RYR2: variants seen among roughly 807,000 people sequenced by gnomAD.
RYR2 encodes the protein cardiac muscle ryanodine receptor-calcium release channel.
A neutral mutation model predicts 601.1 loss-of-function variants in RYR2; 227 were observed. The ratio of observed to expected loss-of-function variants is 0.38; its 90% confidence interval spans 0.34 to 0.42. The LOEUF is 0.42. RYR2 is among the 10% of genes least tolerant of loss of function. The pLI is 1.00. For missense variants in RYR2, 4,646 were observed against 6,156.5 expected, an observed-to-expected ratio of 0.75 and a Z score of 8.21; for synonymous variants, 2,223 against 2,175.1, an observed-to-expected ratio of 1.02 and a Z score of -0.61.
At chr1:237,697,343 G>GTA (rs1275946605) in intron 63 of RYR2, among the ~76,000 whole-genome samples, 18 of 137,836 alleles carry the variant, frequency 1.3e-4, no homozygotes, top group South Asian at 2.2e-4. Context: ...TATATATATA[G>GTA]TATATATATA....
intron 2 of RYR2, among the ~76,000 whole-genome samples, chr1:237,326,229 T>C (rs560882383): frequency 3.3e-5 from 5 of 151,742 alleles, no homozygotes; most frequent in African/African-American, 7.3e-5. Context: ...TCTAAGACTA[T>C]ACAGTGTTTG....
In RYR2 at chr1:237,359,503, A is replaced by G. The variant is rs539427573; in HGVS notation, c.294+3518A>G. Among the ~76,000 whole-genome samples, 8 of 152,334 alleles carry G rather than the reference A, an allele frequency of 5.3e-5. No individual in the cohort carries two copies. In the East Asian group the frequency reaches 1.5e-3, roughly 29 times the overall value. On this transcript the variant is annotated intron_variant, in intron 4 of 104. Transcript: ENST00000366574. ...TGTCTAGGGTGCGTTTACCACCACC[A>G]GATTAAGACCTTTGGGAGCCTTACA...
intron 12 of RYR2, among the ~76,000 whole-genome samples, chr1:237,426,787 G>A (rs1706204764): frequency 6.6e-6 from 1 of 152,144 alleles, no homozygotes; most frequent in Non-Finnish European, 1.5e-5. Context: ...TGTGGTGGGA[G>A]GATCTCTTGA....
At chr1:237,151,818 T>C (rs41420344) in intron 1 of RYR2, among the ~76,000 whole-genome samples, 2,874 of 152,238 alleles carry the variant, frequency 0.019, 106 homozygotes, top group African/African-American at 0.065. Flanking sequence ...GCATGGACAT[T>C]GATCTTGCAG....
chr1:237,277,739 G>A (rs1278562969), intron 2 of RYR2, among the ~76,000 whole-genome samples: 2 of 152,130 alleles, frequency 1.3e-5, no homozygotes, highest in African/African-American at 2.4e-5. Context: ...AGGATTGCTT[G>A]AGCCTAACAG....
chr1:237,746,044 G>A (rs938173508), intron 80 of RYR2, among the ~76,000 whole-genome samples: 2 of 151,996 alleles, frequency 1.3e-5, no homozygotes, highest in African/African-American at 2.4e-5. Flanking sequence ...GAGAAACAGA[G>A]ATATATATAA....
At chr1:237,408,841 GT>G (rs1274270982) in intron 10 of RYR2, among the ~76,000 whole-genome samples, 1 of 152,002 alleles carries the variant, frequency 6.6e-6, no homozygotes, top group Non-Finnish European at 1.5e-5. Flanking sequence ...TTTAGATTTT[GT>G]TTGACTTTTT....
chr1:237,720,341 T>A (rs1201723138), intron 73 of RYR2, among the ~76,000 whole-genome samples: 2 of 152,236 alleles, frequency 1.3e-5, no homozygotes, highest in Non-Finnish European at 2.9e-5. Flanking sequence ...GATTTTTAAA[T>A]TAGCATTTTA....
chr1:237,700,490 GTTTTT>G (rs371120316), intron 65 of RYR2, 23 bp downstream of exon 65: 1 of 976,106 alleles, frequency 1.0e-6, no homozygotes, highest in Non-Finnish European at 1.5e-6. Flanking sequence ...ATATCTTGGA[GTTTTT>G]TTTTTTTTAA....
At chr1:237,530,350 T>C in intron 24 of RYR2, 77 bp from the exon 25 acceptor site, 1 of 1,067,884 alleles carries the variant, frequency 9.4e-7, no homozygotes, top group Non-Finnish European at 1.4e-6. Context: ...TTGTATCTCA[T>C]TGCTACTGCT....
chr1:237,635,139 C>T (rs572279420), intron 44 of RYR2, 147 bp downstream of exon 44: 2 of 554,974 alleles, frequency 3.6e-6, no homozygotes, highest in Admixed American at 3.4e-5. Flanking sequence ...AATTTTGCAC[C>T]AACACAATAT....
chr1:237,829,201 A>G (rs1663499350), intron 102 of RYR2, among the ~76,000 whole-genome samples: 1 of 152,262 alleles, frequency 6.6e-6, no homozygotes, highest in South Asian at 2.1e-4. Context: ...GGCTTTAAGC[A>G]GAGCAGCCAG....
At chr1:237,676,593 A>G (rs1685419991) in intron 60 of RYR2, among the ~76,000 whole-genome samples, 2 of 152,136 alleles carry the variant, frequency 1.3e-5, no homozygotes, top group Admixed American at 1.3e-4. Flanking sequence ...TAGAGCTGTG[A>G]TTGTCAATAT....
rs190203184 is a variant in RYR2, at chr1:237,628,124, T to G, written c.6440+44T>G. On this transcript the variant is annotated intron_variant, in intron 41 of 104. Coordinates refer to ENST00000366574, the MANE Select transcript of RYR2 (RefSeq NM_001035.3). The stretch of plus-strand genomic sequence containing the variant: ...ACAACCCTTTGTCTCGTAAATGTTT[T>G]CTAATTGTTATACCTATAGAGCAGT... 6.9e-6 allele frequency: 11 copies of G among 1,596,612 alleles called. No individual in the cohort carries two copies. The Middle Eastern group carries it at 5.0e-4, about 73-fold the overall frequency.
chr1:237,680,298 G>C (rs534681609), intron 61 of RYR2, among the ~76,000 whole-genome samples, 158 bp from the exon 62 acceptor site: 1 of 152,320 alleles, frequency 6.6e-6, no homozygotes, highest in Admixed American at 6.5e-5. Flanking sequence ...GGAGACGGTA[G>C]AGTGAGATTT....
chr1:237,620,435 C>T (rs1001341494), intron 38 of RYR2, among the ~76,000 whole-genome samples: 13 of 151,952 alleles, frequency 8.6e-5, no homozygotes, highest in Admixed American at 2.0e-4. Flanking sequence ...TCAGAACAAA[C>T]GGAACCACAG....
chr1:237,334,852 G>A (rs1013305816), intron 3 of RYR2, among the ~76,000 whole-genome samples: 16 of 152,284 alleles, frequency 1.1e-4, no homozygotes, highest in Admixed American at 1.0e-3. Context: ...AAAAACAGGG[G>A]TTTATTGTCT....
At chr1:237,365,197 G>T (rs1176066216) in intron 5 of RYR2, among the ~76,000 whole-genome samples, 1 of 152,066 alleles carries the variant, frequency 6.6e-6, no homozygotes, top group Non-Finnish European at 1.5e-5. Flanking sequence ...CATTAATAAA[G>T]GCTTAAAAGA....
chr1:237,392,435 T>G (rs1702463884), intron 10 of RYR2, among the ~76,000 whole-genome samples: 1 of 151,568 alleles, frequency 6.6e-6, no homozygotes, highest in Non-Finnish European at 1.5e-5. Flanking sequence ...ATGTACCCCA[T>G]AAATATATAT....
Sources: allele counts gnomAD v4.1 joint callset (sites outside exome capture counted in the v4.1 genomes callset), GRCh38; gene constraint gnomAD v4.1.1; transcripts MANE v1.5; gene names NCBI Gene and HGNC (gene_info 2026-07-23, HGNC 2026-07-21).